Variants in NEO1 observed in about 807,000 individuals in gnomAD.
The protein encoded by NEO1 is neogenin 1.
In NEO1, 63 loss-of-function variants were observed where a neutral mutation model predicts 159.7. That is an observed-to-expected ratio of 0.39 (90% CI 0.32 to 0.49). NEO1 has a LOEUF of 0.49. Among genes scored for constraint, NEO1 ranks in the 20% least tolerant of loss-of-function variants. The probability of loss-of-function intolerance (pLI) is 0.85; values close to 1 mark genes in which losing one functional copy is unlikely to be tolerated. For missense variants in NEO1, 1,615 were observed against 1,831.0 expected, an observed-to-expected ratio of 0.88 and a Z score of 2.15; for synonymous variants, 633 against 662.0, an observed-to-expected ratio of 0.96 and a Z score of 0.67.
chr15:73,196,987 A>G (rs888383171), intron 7 of NEO1, among the ~76,000 whole-genome samples: 2 of 152,182 alleles, frequency 1.3e-5, no homozygotes, highest in Non-Finnish European at 2.9e-5. Flanking sequence ...CTATTGGATT[A>G]AACTTAATTG....
At chr15:73,173,124 G>A (rs1174474030) in intron 5 of NEO1, among the ~76,000 whole-genome samples, 1 of 152,112 alleles carries the variant, frequency 6.6e-6, no homozygotes, top group African/African-American at 2.4e-5. Context: ...ACTCACAGTT[G>A]CAAACATCTT....
intron 5 of NEO1, among the ~76,000 whole-genome samples, chr15:73,157,159 G>A (rs2033843033): frequency 6.6e-6 from 1 of 152,140 alleles, no homozygotes; most frequent in Non-Finnish European, 1.5e-5. Flanking sequence ...AGCCTCCATG[G>A]CAGCTCTCCT....
At chr15:73,054,398 C>T (rs532233823) in intron 1 of NEO1, among the ~76,000 whole-genome samples, 1 of 152,316 alleles carries the variant, frequency 6.6e-6, no homozygotes, top group Non-Finnish European at 1.5e-5. Flanking sequence ...ACTCAATTGA[C>T]AGGTTTTTAT....
intron 7 of NEO1, among the ~76,000 whole-genome samples, chr15:73,235,230 C>T (rs566639708): frequency 2.0e-5 from 3 of 152,146 alleles, no homozygotes; most frequent in Non-Finnish European, 4.4e-5. Context: ...ACTAGGTTCA[C>T]GGTTTTCATG....
chr15:73,091,653 C>T (rs1307073265), intron 1 of NEO1, among the ~76,000 whole-genome samples: 1 of 151,952 alleles, frequency 6.6e-6, no homozygotes, highest in Non-Finnish European at 1.5e-5. Context: ...ACCTTGACCT[C>T]CCTGGGCTCA....
At position 73,257,132 on chromosome 15, in the gene NEO1, C is replaced by CAAAAAAAAAAAAAAAAAAAAA. The variant is rs10623334; in HGVS notation, c.2093-1633_2093-1613dup. Reference sequence around the variant, plus strand: ...GGGCAACAGAGAGAGACTCTGTCTCCAAAAAAAAAAAAAAAAAAAAAGTTT... The same window carrying CAAAAAAAAAAAAAAAAAAAAA: ...GGGCAACAGAGAGAGACTCTGTCTCCAAAAAAAAAAAAAAAAAAAAAAAAAAAAAAAAAAAAAAAAAAGTTT... On this transcript the variant is annotated intron_variant, in intron 13 of 28. Coordinates refer to ENST00000261908, the MANE Select transcript of NEO1 (RefSeq NM_002499.4). Among the ~76,000 whole-genome samples the CAAAAAAAAAAAAAAAAAAAAA allele has an allele frequency of 7.1e-4, 39 of 54,776 alleles. 3 individuals carry two copies. Among genetic ancestry groups the CAAAAAAAAAAAAAAAAAAAAA allele is most frequent in the African/African-American group, 1.0e-3 (18 of 17,186 alleles). The allele number at this position is 54,776 out of a possible 152,430, so 35.9% of individuals were successfully genotyped here.
chr15:73,179,940 T>C (rs1043638928), intron 7 of NEO1, among the ~76,000 whole-genome samples: 4 of 152,050 alleles, frequency 2.6e-5, no homozygotes, highest in Admixed American at 1.3e-4. Flanking sequence ...TGTTTTTTCC[T>C]ATTACAAACA....
At chr15:73,199,978 C>T (rs1296808898) in intron 7 of NEO1, among the ~76,000 whole-genome samples, 3 of 152,174 alleles carry the variant, frequency 2.0e-5, no homozygotes, top group Admixed American at 6.5e-5. Flanking sequence ...CCTCTTAATA[C>T]TGCTACACTG....
intron 5 of NEO1, among the ~76,000 whole-genome samples, chr15:73,171,516 A>C (rs1033133176): frequency 3.3e-5 from 5 of 152,000 alleles, no homozygotes; most frequent in African/African-American, 1.2e-4. Flanking sequence ...GTGAGCCATG[A>C]TCATGCCACT....
At chr15:73,172,854 TCAAAGCAGAG>T (rs2035052777) in intron 5 of NEO1, among the ~76,000 whole-genome samples, 1 of 152,140 alleles carries the variant, frequency 6.6e-6, no homozygotes. Context: ...ATTGTAAGGG[TCAAAGCAGAG>T]GGGACTTTCT....
chr15:73,190,037 T>C (rs1384684353), intron 7 of NEO1, among the ~76,000 whole-genome samples: 3 of 152,164 alleles, frequency 2.0e-5, no homozygotes, highest in Non-Finnish European at 4.4e-5. Context: ...AGATTAACAT[T>C]GCCTGTCATT....
At chr15:73,231,459 T>C (rs1167744070) in intron 7 of NEO1, among the ~76,000 whole-genome samples, 1 of 152,218 alleles carries the variant, frequency 6.6e-6, no homozygotes, top group African/African-American at 2.4e-5. Context: ...AGGTCACATG[T>C]GGTGGCTCCT....
chr15:73,238,080 C>A (rs2039282630), intron 8 of NEO1, among the ~76,000 whole-genome samples: 1 of 152,060 alleles, frequency 6.6e-6, no homozygotes, highest in African/African-American at 2.4e-5. Flanking sequence ...TTGTTAAATG[C>A]TCGGGAAATT....
At chr15:73,183,026 A>G (rs1378329106) in intron 7 of NEO1, among the ~76,000 whole-genome samples, 1 of 152,186 alleles carries the variant, frequency 6.6e-6, no homozygotes, top group African/African-American at 2.4e-5. Flanking sequence ...AAGGCCAACT[A>G]TGGCCTAATT....
At chr15:73,173,310 A>G (rs1416467015) in intron 5 of NEO1, among the ~76,000 whole-genome samples, 1 of 152,222 alleles carries the variant, frequency 6.6e-6, no homozygotes, top group Non-Finnish European at 1.5e-5. Flanking sequence ...AAGGAAGAAT[A>G]TTTGTTCCAC....
At chr15:73,153,098 G>A (rs1042128204) in intron 5 of NEO1, among the ~76,000 whole-genome samples, 3 of 152,178 alleles carry the variant, frequency 2.0e-5, no homozygotes, top group African/African-American at 4.8e-5. Flanking sequence ...TGAGAACCAG[G>A]AGTGCTGAGG....
intron 8 of NEO1, among the ~76,000 whole-genome samples, chr15:73,240,220 G>A (rs1022890659): frequency 6.6e-6 from 1 of 152,096 alleles, no homozygotes; most frequent in African/African-American, 2.4e-5. Flanking sequence ...TTTTAACTGT[G>A]TGTACTTTTA....
chr15:73,240,192 G>A (rs1006137267), intron 8 of NEO1, among the ~76,000 whole-genome samples: 2 of 152,154 alleles, frequency 1.3e-5, no homozygotes, highest in Non-Finnish European at 2.9e-5. Flanking sequence ...TGACAAAAGA[G>A]AATTGAGACT....
At chr15:73,149,308 G>T (rs1468806770) in intron 5 of NEO1, among the ~76,000 whole-genome samples, 1 of 146,438 alleles carries the variant, frequency 6.8e-6, no homozygotes, top group Admixed American at 6.7e-5. Context: ...AGTAAGACTC[G>T]GTCTAAAAAA....
Sources: allele counts gnomAD v4.1 joint callset (sites outside exome capture counted in the v4.1 genomes callset), GRCh38; gene constraint gnomAD v4.1.1; transcripts MANE v1.5; gene names NCBI Gene and HGNC (gene_info 2026-07-23, HGNC 2026-07-21).